The following GALNT9 variants were observed in gnomAD, a reference collection of about 807,000 sequenced individuals.
GALNT9 encodes the protein GalNAc transferase 9.
Under a neutral mutation model 63.1 loss-of-function variants are expected in GALNT9, and 47 were observed. The observed-to-expected ratio is 0.75, with a 90% CI of 0.59 to 0.95. The LOEUF (loss-of-function observed/expected upper bound fraction) is 0.95, where lower values mean the gene tolerates loss of function less well. Among genes scored for constraint, GALNT9 ranks in the 40% least tolerant of loss-of-function variants. The pLI, the probability that GALNT9 is intolerant of heterozygous loss-of-function variation, is 0.00. For synonymous variants in GALNT9, 396 were observed against 365.7 expected (o/e 1.08, Z -0.94); for missense variants, 829 against 874.8 (o/e 0.95, Z 0.66).
At position 132,305,241 on chromosome 12, in the gene GALNT9, G is replaced by A. The variant is rs868938586; in HGVS notation, c.239-18811C>T. Among the ~76,000 whole-genome samples, 3 of 50,788 alleles carry A rather than the reference G, an allele frequency of 5.9e-5. 1 individual carries two copies. Among genetic ancestry groups the A allele is most frequent in the Non-Finnish European group, 9.7e-5 (3 of 30,972 alleles). 33.3% of individuals were successfully genotyped at this position (50,788 alleles called of 152,430 possible). ...CTCGCCCGGACACACCCTCACCCGG[G>A]CACAGAATCGCCCAGACACACCCTC... On this transcript the variant is annotated intron_variant, in intron 1 of 10. Transcript: ENST00000328957.
chr12:132,225,658 C>CCA (rs1305378895), intron 6 of GALNT9, among the ~76,000 whole-genome samples: 1 of 149,414 alleles, frequency 6.7e-6, no homozygotes, highest in African/African-American at 2.5e-5. Flanking sequence ...TATACACACC[C>CCA]CACACACACA....
intron 2 of GALNT9, chr12:132,278,006 C>T (rs1353037988): frequency 1.3e-5 from 2 of 149,998 alleles, no homozygotes; most frequent in Admixed American, 1.3e-4. Flanking sequence ...CCCCCTCCCC[C>T]TCACTCCCAC....
At position 132,203,673 on chromosome 12, in the gene GALNT9, G is replaced by T. The variant is rs760562670; in HGVS notation, c.1095C>A (p.Gly365=). 7 of 1,612,866 alleles carry T rather than the reference G, an allele frequency of 4.3e-6. No individual in the cohort carries two copies. Among genetic ancestry groups the T allele is most frequent in the South Asian group, 2.2e-5 (2 of 91,068 alleles). ...ELGMRVWQCG[G]SMEVLPCSRV... ...GGGAGCAGGGCAGCACCTCCATGCTGCCGCCACACTGCCACACCTGCGGGG... is the reference window on the plus strand; with the variant it reads ...GGGAGCAGGGCAGCACCTCCATGCTTCCGCCACACTGCCACACCTGCGGGG... The change falls in exon 7 of 11, where the codon GGC becomes GGA. Residue 365 remains glycine (G), a synonymous_variant. Transcript: ENST00000328957.
intron 1 of GALNT9, among the ~76,000 whole-genome samples, chr12:132,313,697 C>A (rs1377742834): frequency 7.3e-6 from 1 of 136,956 alleles, no homozygotes; most frequent in Non-Finnish European, 1.6e-5. Flanking sequence ...CATCCATTCA[C>A]CCACCTACCC....
At chr12:132,309,247 C>T (rs539593094) in intron 1 of GALNT9, among the ~76,000 whole-genome samples, 5 of 152,316 alleles carry the variant, frequency 3.3e-5, no homozygotes, top group Admixed American at 2.0e-4. Context: ...CTGGATCTGC[C>T]ATGCGGGGCA....
At chr12:132,308,042 A>C (rs1451644688) in intron 1 of GALNT9, among the ~76,000 whole-genome samples, 1 of 152,064 alleles carries the variant, frequency 6.6e-6, no homozygotes, top group Non-Finnish European at 1.5e-5. Context: ...TCTCAAAAAA[A>C]AAAAAACAAA....
In GALNT9 at chr12:132,196,468, C is replaced by T. The variant is rs771171367; in HGVS notation, c.*639G>A. ...CCTGGGAAAGAGGTGGGACCGGGCC[C>T]CAACCCCCAGCTCGGCTCCCAGGAA... On this transcript the variant is annotated 3_prime_UTR_variant, in exon 11 of 11. Transcript: ENST00000328957. 8.7e-5 allele frequency: 86 copies of T among 985,440 alleles called. No individual in the cohort carries two copies. Among genetic ancestry groups the T allele is most frequent in the Non-Finnish European group, 1.0e-4 (83 of 830,026 alleles). 61.0% of individuals were successfully genotyped at this position (985,440 alleles called of 1,614,324 possible).
intron 2 of GALNT9, among the ~76,000 whole-genome samples, chr12:132,268,235 C>T (rs1879728508): frequency 6.6e-6 from 1 of 151,646 alleles, no homozygotes; most frequent in South Asian, 2.1e-4. Flanking sequence ...ACACTCATAC[C>T]CACACATACA....
intron 6 of GALNT9, among the ~76,000 whole-genome samples, chr12:132,217,380 C>T (rs927276659): frequency 6.6e-6 from 1 of 150,858 alleles, no homozygotes; most frequent in African/African-American, 2.4e-5. Flanking sequence ...TACTCATTCA[C>T]CCACCTAGCC....
rs1357289160 is a variant in GALNT9 at position 132,245,499 on chromosome 12, A to G, written c.1077+2411T>C. 2.0e-5 allele frequency among the ~76,000 whole-genome samples: 3 copies of G among 152,202 alleles called. No homozygotes were observed. In the East Asian group the frequency reaches 5.8e-4, roughly 29 times the overall value. ...GGGAGGGAAGCTCTCCAACGGCTGC[A>G]GCCAGGGCCCTCTGTGGTCCGGCAC... is the stretch of plus-strand genomic sequence containing the variant. On this transcript the variant is annotated intron_variant, in intron 6 of 10. Transcript: ENST00000328957. This position sits in a 1 kb window ranked among gnomAD's most constrained non-coding sequence, Gnocchi z 6.3.
chr12:132,298,361 C>A (rs1295346343), intron 1 of GALNT9, among the ~76,000 whole-genome samples: 2 of 151,822 alleles, frequency 1.3e-5, no homozygotes, highest in Non-Finnish European at 2.9e-5. Context: ...TAACCCACTC[C>A]CATGATAACT....
intron 6 of GALNT9, among the ~76,000 whole-genome samples, chr12:132,223,229 C>CA (rs1877543986): frequency 8.8e-6 from 1 of 113,540 alleles, no homozygotes; most frequent in Non-Finnish European, 1.9e-5. Context: ...CCCCAGACAC[C>CA]CCACACAACC....
At chr12:132,302,710 T>A (rs1315198582) in intron 1 of GALNT9, among the ~76,000 whole-genome samples, 1 of 151,986 alleles carries the variant, frequency 6.6e-6, no homozygotes, top group Non-Finnish European at 1.5e-5. Context: ...AGGGGCAGGA[T>A]CCCCAGGAAG....
At position 132,247,990 on chromosome 12, in the gene GALNT9, G is replaced by A; in HGVS notation, c.997C>T (p.Arg333Cys). Residue 333 changes from arginine (R) to cysteine (C), a missense_variant, in exon 6 of 11, where the codon CGC (arginine) becomes TGC (cysteine). By Grantham distance (180) the Arg-to-Cys change is radical. Transcript: ENST00000328957. ...AMIGCSFVVD[R>C]EYFGDIGLLD... ...AGCCCAATGTCTCCGAAGTACTCGC[G>A]GTCCACTACGAAGGAGCAGCCGATC... 4 of 1,551,436 alleles carry A rather than the reference G, an allele frequency of 2.6e-6. No individual in the cohort carries two copies. Among genetic ancestry groups the A allele is most frequent in the South Asian group, 1.2e-5 (1 of 84,058 alleles).
chr12:132,259,522 G>A (rs1365905682), intron 4 of GALNT9, among the ~76,000 whole-genome samples: 1 of 152,216 alleles, frequency 6.6e-6, no homozygotes, highest in Non-Finnish European at 1.5e-5. Context: ...AGAGGAGGCA[G>A]CGTCTTGTCA....
Position 132,261,100 on chromosome 12 carries a change from G to A in GALNT9, c.609C>T (p.Asp203=), listed in dbSNP as rs781900961. The stretch of plus-strand genomic sequence containing the variant: ...CTGGGTACCGCTTGTTGACGTACTG[G>A]TCCAGATTGAACTTGAGTTCCACTG... ...SDNVELKFNL[D]QYVNKRYPGL... is the part of the protein sequence containing the mutation. Residue 203 remains aspartate, a synonymous_variant, in exon 4 of 11, where the codon GAC becomes GAT. Coordinates refer to ENST00000328957, the MANE Select transcript of GALNT9 (RefSeq NM_001122636.2). The A allele has an allele frequency of 6.1e-5, 94 of 1,551,466 alleles. 3 individuals are homozygous for A. The South Asian group carries it at 6.9e-4, about 11-fold the overall frequency.
At chr12:132,301,405 C>T (rs1449619291) in intron 1 of GALNT9, among the ~76,000 whole-genome samples, 5 of 152,210 alleles carry the variant, frequency 3.3e-5, no homozygotes, top group South Asian at 2.1e-4. Context: ...GTGGTGGGCA[C>T]GTGGGAATGG....
intron 6 of GALNT9, among the ~76,000 whole-genome samples, chr12:132,226,665 A>C (rs1304056265): frequency 1.4e-4 from 15 of 106,356 alleles, no homozygotes; most frequent in Non-Finnish European, 2.2e-4. Context: ...TACACACCCC[A>C]CACACACTGT....
Position 132,329,265 on chromosome 12 carries a change from G to A in GALNT9, c.-62C>T. Reference sequence around the variant, plus strand: ...TCCCCAGCATCCCCGCCCGGGCCTGGGCTTCAGCTTCGGCTTCGGGGACCA... The same window carrying A: ...TCCCCAGCATCCCCGCCCGGGCCTGAGCTTCAGCTTCGGCTTCGGGGACCA... On this transcript the variant is annotated 5_prime_UTR_variant, in exon 1 of 11. Transcript: ENST00000328957. 6.6e-7 allele frequency: 1 copy of A among 1,505,376 alleles called. No homozygotes were observed. The highest frequency in any genetic ancestry group is 1.3e-5 in the South Asian group (1 of 78,034). 93.3% of individuals were successfully genotyped at this position (1,505,376 alleles called of 1,614,324 possible).
Sources: gnomAD v4.1 joint callset for allele counts (sites outside exome capture counted in the v4.1 genomes callset) on GRCh38, gnomAD v4.1.1 for gene constraint, Gnocchi (gnomAD v3.1) non-coding constraint, MANE v1.5 for transcripts, NCBI Gene and HGNC (gene_info 2026-07-23, HGNC 2026-07-21) for gene names.